Variants in CSMD1 observed in about 807,000 individuals in gnomAD.
CSMD1 encodes CUB and Sushi multiple domains 1.
In CSMD1, 213 loss-of-function variants were observed where a neutral mutation model predicts 417.5. The observed-to-expected ratio is 0.51, with a 90% CI of 0.46 to 0.57. The LOEUF (loss-of-function observed/expected upper bound fraction) is 0.57, where lower values mean the gene tolerates loss of function less well. Among genes scored for constraint, CSMD1 ranks in the 20% least tolerant of loss-of-function variants. CSMD1 has a pLI of 0.00. For synonymous variants in CSMD1, 2,862 were observed against 1,736.8 expected, an observed-to-expected ratio of 1.65 and a Z score of -16.11; for missense variants, 6,923 against 4,529.7, an observed-to-expected ratio of 1.53 and a Z score of -15.17.
intron 3 of CSMD1, among the ~76,000 whole-genome samples, chr8:4,277,950 A>G (rs1204748400): frequency 6.6e-6 from 1 of 151,984 alleles, no homozygotes; most frequent in Non-Finnish European, 1.5e-5. Context: ...GGATTTCACC[A>G]TGCTGGCCAG....
chr8:2,964,594 G>A (rs1395422661), intron 59 of CSMD1, among the ~76,000 whole-genome samples: 1 of 152,248 alleles, frequency 6.6e-6, no homozygotes, highest in Non-Finnish European at 1.5e-5. Flanking sequence ...ACAGAATTAT[G>A]CATGAAGCAT....
chr8:3,802,466 A>G (rs909056303), intron 5 of CSMD1, among the ~76,000 whole-genome samples: 8 of 152,196 alleles, frequency 5.3e-5, no homozygotes, highest in African/African-American at 1.4e-4. Flanking sequence ...AGCCTGATAC[A>G]TAAGTATCAA....
At position 3,602,613 on chromosome 8, in the gene CSMD1, A is replaced by G. The variant is rs571319095; in HGVS notation, c.1097+14097T>C. 7.2e-4 allele frequency among the ~76,000 whole-genome samples: 109 copies of G among 152,244 alleles called. 2 individuals are homozygous for G. In the South Asian group the frequency reaches 0.022, roughly 30 times the overall value. ...TTTGCAGAATCTTATTCTAAAGTAG[A>G]ATATGGCAAACACATGGCTAAGAGT... On this transcript the variant is annotated intron_variant, in intron 8 of 69. Coordinates refer to ENST00000635120, the MANE Select transcript of CSMD1 (RefSeq NM_033225.6).
chr8:3,191,057 T>C (rs917275444), intron 33 of CSMD1, among the ~76,000 whole-genome samples: 5 of 152,146 alleles, frequency 3.3e-5, no homozygotes, highest in Non-Finnish European at 7.4e-5. Context: ...TACAGCACTG[T>C]GTTTATAGTT....
At chr8:4,197,128 C>G (rs1799382446) in intron 3 of CSMD1, among the ~76,000 whole-genome samples, 1 of 152,076 alleles carries the variant, frequency 6.6e-6, no homozygotes, top group African/African-American at 2.4e-5. Flanking sequence ...CAAGCAGTTC[C>G]CAGACAAACT....
At chr8:3,373,873 T>C (rs1007541070) in intron 18 of CSMD1, 2 of 152,106 alleles carry the variant, frequency 1.3e-5, no homozygotes, top group East Asian at 1.9e-4. Context: ...GACTAAGATA[T>C]GCAGAAATCA....
intron 5 of CSMD1, among the ~76,000 whole-genome samples, chr8:3,856,249 T>C (rs929132398): frequency 9.2e-5 from 14 of 152,090 alleles, no homozygotes; most frequent in African/African-American, 3.4e-4. Flanking sequence ...CTCTCTCTCT[T>C]CTTCCTACTT....
At chr8:3,766,035 G>C (rs543221602) in intron 5 of CSMD1, among the ~76,000 whole-genome samples, 1 of 152,206 alleles carries the variant, frequency 6.6e-6, no homozygotes, top group East Asian at 1.9e-4. Context: ...ATCTTCTTAA[G>C]CTTAAGGACT....
At chr8:4,920,272 C>T (rs10098176) in intron 1 of CSMD1, among the ~76,000 whole-genome samples, 4 of 152,074 alleles carry the variant, frequency 2.6e-5, no homozygotes, top group Non-Finnish European at 5.9e-5. Flanking sequence ...TTATGACTGG[C>T]TGAAATGAGC....
In CSMD1 at chr8:3,118,433, G is replaced by C. The variant is rs1375587628; in HGVS notation, c.6396C>G (p.Asn2132Lys). ...TTGGAAAAGGGTAGTTCCAGTTTCT[G>C]TTGATCCCATGCTGACAAGTGAGGA... Reference protein sequence around the residue: ...HPVLTCQHGINRNWNYPFPRC... With the variant: ...HPVLTCQHGIKRNWNYPFPRC... Residue 2132 changes from asparagine (N) to lysine (K), a missense_variant, in exon 42 of 70, where the codon AAC (asparagine) becomes AAG (lysine). Transcript: ENST00000635120. 16 of 1,613,662 alleles carry C rather than the reference G, an allele frequency of 9.9e-6. No individual in the cohort carries two copies. The highest frequency in any genetic ancestry group is 1.4e-5 in the Non-Finnish European group (16 of 1,179,760).
intron 5 of CSMD1, among the ~76,000 whole-genome samples, chr8:3,896,244 C>T (rs1441836062): frequency 6.6e-6 from 1 of 152,176 alleles, no homozygotes; most frequent in Non-Finnish European, 1.5e-5. Flanking sequence ...ACCAAAATTT[C>T]TCAAAACAGT....
intron 3 of CSMD1, among the ~76,000 whole-genome samples, chr8:4,142,356 G>T (rs987213439): frequency 2.0e-5 from 3 of 150,984 alleles, no homozygotes; most frequent in Middle Eastern, 3.4e-3. Context: ...ATGATATTTG[G>T]CTGTAGGCAA....
chr8:4,862,273 A>T (rs1032794605), intron 1 of CSMD1, among the ~76,000 whole-genome samples: 7 of 152,150 alleles, frequency 4.6e-5, no homozygotes, highest in African/African-American at 1.7e-4. Flanking sequence ...AGGTACTGGG[A>T]GCCTGTAAGT....
chr8:4,077,635 C>T (rs1248855041), intron 3 of CSMD1, among the ~76,000 whole-genome samples: 3 of 152,028 alleles, frequency 2.0e-5, no homozygotes, highest in Non-Finnish European at 4.4e-5. Flanking sequence ...AGTAGATCCA[C>T]CCGGGTGACA....
intron 3 of CSMD1, among the ~76,000 whole-genome samples, chr8:4,397,601 T>C (rs566307699): frequency 6.3e-4 from 94 of 148,496 alleles, no homozygotes; most frequent in African/African-American, 2.1e-3. Context: ...GCACCTGAGA[T>C]TCACTTTTAT....
At chr8:3,613,777 G>A (rs1315877848) in intron 8 of CSMD1, among the ~76,000 whole-genome samples, 3 of 150,340 alleles carry the variant, frequency 2.0e-5, no homozygotes, top group African/African-American at 7.3e-5. Flanking sequence ...TCCTCAAACT[G>A]ATAAAGGGCA....
chr8:4,394,335 A>G (rs989247932), intron 3 of CSMD1, among the ~76,000 whole-genome samples: 1 of 152,238 alleles, frequency 6.6e-6, no homozygotes, highest in South Asian at 2.1e-4. Context: ...TGGAGAATGT[A>G]GTTATTCTCT....
intron 5 of CSMD1, among the ~76,000 whole-genome samples, chr8:3,895,884 A>G (rs757588702): frequency 6.6e-6 from 1 of 152,166 alleles, no homozygotes; most frequent in Non-Finnish European, 1.5e-5. Flanking sequence ...GGTTAACCTC[A>G]TCCCCTGAAA....
At chr8:4,190,290 T>G (rs6992631) in intron 3 of CSMD1, among the ~76,000 whole-genome samples, 119,053 of 146,594 alleles carry the variant, frequency 0.81, 48,479 homozygotes, top group Admixed American at 0.86. Flanking sequence ...AGACTCTGGG[T>G]CTGGTCTAGT....
Sources: gnomAD v4.1 joint callset for allele counts (sites outside exome capture counted in the v4.1 genomes callset) on GRCh38, gnomAD v4.1.1 for gene constraint, MANE v1.5 for transcripts, NCBI Gene and HGNC (gene_info 2026-07-23, HGNC 2026-07-21) for gene names.